The following HIVEP3 variants were observed in gnomAD, a reference collection of about 807,000 sequenced individuals.
HIVEP3 encodes HIVEP zinc finger 3, also known as transcription factor HIVEP3.
A neutral mutation model predicts 152.8 loss-of-function variants in HIVEP3; 49 were observed. The observed-to-expected ratio is 0.32, with a 90% CI of 0.26 to 0.41. The LOEUF (loss-of-function observed/expected upper bound fraction) is 0.41. Among genes scored for constraint, HIVEP3 ranks in the 10% least tolerant of loss-of-function variants. The probability of loss-of-function intolerance (pLI) is 1.00; values close to 1 mark genes in which losing one functional copy is unlikely to be tolerated. For missense variants in HIVEP3, 2,790 were observed against 3,103.3 expected (o/e 0.90, Z 2.40); for synonymous variants, 1,269 against 1,289.0 (o/e 0.98, Z 0.33).
chr1:41,555,844 C>T (rs1370872622), intron 5 of HIVEP3, among the ~76,000 whole-genome samples: 7 of 152,180 alleles, frequency 4.6e-5, no homozygotes, highest in African/African-American at 7.2e-5. Context: ...TCTATGGATA[C>T]GACTAGTCTA....
chr1:41,901,074 C>T (rs965103746), intron 1 of HIVEP3, among the ~76,000 whole-genome samples: 32 of 151,916 alleles, frequency 2.1e-4, no homozygotes, highest in African/African-American at 7.5e-4. Context: ...TTCATGCACT[C>T]GTCCTTAGGA....
At chr1:41,964,366 C>T (rs1273482624) in intron 1 of HIVEP3, among the ~76,000 whole-genome samples, 1 of 152,178 alleles carries the variant, frequency 6.6e-6, no homozygotes, top group African/African-American at 2.4e-5. Flanking sequence ...TGTGCTACCC[C>T]ACCTGGGAAA....
chr1:42,015,876 C>T (rs1180944255), intron 1 of HIVEP3, among the ~76,000 whole-genome samples: 2 of 152,260 alleles, frequency 1.3e-5, no homozygotes, highest in Non-Finnish European at 2.9e-5. Context: ...CCTTCAGCTG[C>T]CTACATGGCA....
intron 1 of HIVEP3, among the ~76,000 whole-genome samples, chr1:41,730,501 C>G (rs1646822847): frequency 6.6e-6 from 1 of 152,244 alleles, no homozygotes; most frequent in South Asian, 2.1e-4. Flanking sequence ...AGCACTCAGT[C>G]CTGGGGCAGA....
intron 6 of HIVEP3, among the ~76,000 whole-genome samples, chr1:41,523,238 C>G (rs1357625757): frequency 6.6e-6 from 1 of 152,178 alleles, no homozygotes; most frequent in Non-Finnish European, 1.5e-5. Context: ...ATGTCCAGGG[C>G]GACGCATGCT....
At position 41,835,897 on chromosome 1, in the gene HIVEP3, T is replaced by C. The variant is rs145515173; in HGVS notation, c.-801+82516A>G. Among the ~76,000 whole-genome samples, 766 of 152,256 alleles carry C rather than the reference T, an allele frequency of 5.0e-3. 4 individuals are homozygous for C. Among genetic ancestry groups the C allele is most frequent in the African/African-American group, 0.018 (730 of 41,532 alleles). On this transcript the variant is annotated intron_variant, in intron 1 of 8. Transcript: ENST00000372583. Reference sequence around the variant, plus strand: ...CACTATAGATAGAGTATTATGCAAATAAAAGATTATTTTTTATGTTCCTCA... The same window carrying C: ...CACTATAGATAGAGTATTATGCAAACAAAAGATTATTTTTTATGTTCCTCA...
chr1:42,015,455 T>C (rs116454585), intron 1 of HIVEP3, among the ~76,000 whole-genome samples: 4 of 152,212 alleles, frequency 2.6e-5, no homozygotes, highest in African/African-American at 9.6e-5. Flanking sequence ...GCATGGTCAC[T>C]GCCCTTCAGA....
intron 1 of HIVEP3, among the ~76,000 whole-genome samples, chr1:41,974,522 C>T (rs528939926): frequency 6.6e-6 from 1 of 151,250 alleles, no homozygotes; most frequent in Non-Finnish European, 1.5e-5. Context: ...CACACACACA[C>T]TGTATCCTCT....
chr1:41,973,999 G>A (rs1055940374), intron 1 of HIVEP3, among the ~76,000 whole-genome samples: 1 of 152,188 alleles, frequency 6.6e-6, no homozygotes, highest in African/African-American at 2.4e-5. Context: ...AAGGTGAGGG[G>A]ACAGAGAGAA....
In HIVEP3 at chr1:41,626,494, C is replaced by T. The variant is rs114518726; in HGVS notation, c.-522+2255G>A. On this transcript the variant is annotated intron_variant, in intron 3 of 8. Coordinates refer to ENST00000372583, the MANE Select transcript of HIVEP3 (RefSeq NM_024503.5). Reference sequence around the variant, plus strand: ...CACGGACAAACAAAGAGTCTGGGCACGAAGCGGGGGGAGGGGAGGGAAATG... The same window carrying T: ...CACGGACAAACAAAGAGTCTGGGCATGAAGCGGGGGGAGGGGAGGGAAATG... Among the ~76,000 whole-genome samples the T allele has an allele frequency of 4.7e-3, 715 of 152,204 alleles. 3 individuals carry two copies. Among genetic ancestry groups the T allele is most frequent in the African/African-American group, 0.016 (659 of 41,530 alleles).
intron 2 of HIVEP3, among the ~76,000 whole-genome samples, chr1:41,684,702 T>C (rs374519050): frequency 6.6e-6 from 1 of 152,232 alleles, no homozygotes; most frequent in Admixed American, 6.5e-5. Flanking sequence ...ACTTTGTAGG[T>C]TGCTTGCAGG....
chr1:41,796,218 T>C (rs10493098), intron 1 of HIVEP3, among the ~76,000 whole-genome samples: 55,164 of 152,134 alleles, frequency 0.36, 10,430 homozygotes, highest in Middle Eastern at 0.46. Context: ...CACCTCTGAA[T>C]ACTGTCTGGA....
chr1:41,771,475 T>A (rs779609998), intron 1 of HIVEP3, among the ~76,000 whole-genome samples: 1 of 152,148 alleles, frequency 6.6e-6, no homozygotes, highest in Non-Finnish European at 1.5e-5. Context: ...GCCCCTGCAA[T>A]GGGAAAGCAG....
At chr1:41,522,646 C>CAG in intron 6 of HIVEP3, among the ~76,000 whole-genome samples, 1 of 152,350 alleles carries the variant, frequency 6.6e-6, no homozygotes, top group East Asian at 1.9e-4. Context: ...TGTGCTGGCT[C>CAG]AGAGAGACCC....
intron 1 of HIVEP3, among the ~76,000 whole-genome samples, chr1:41,707,574 G>T (rs1340241826): frequency 2.6e-5 from 4 of 152,196 alleles, no homozygotes; most frequent in African/African-American, 9.7e-5. Flanking sequence ...GTGAACCAAG[G>T]TTTTTGATCC....
At chr1:41,697,976 GT>G (rs1193290263) in intron 2 of HIVEP3, among the ~76,000 whole-genome samples, 1 of 152,186 alleles carries the variant, frequency 6.6e-6, no homozygotes, top group Admixed American at 6.5e-5. Flanking sequence ...AGCCCTGTGT[GT>G]TTGGGCCAGT....
chr1:41,828,779 C>T (rs544825105), intron 1 of HIVEP3, among the ~76,000 whole-genome samples: 13 of 152,358 alleles, frequency 8.5e-5, no homozygotes, highest in African/African-American at 3.1e-4. Flanking sequence ...GTCCAGCCCC[C>T]TGCACCCTGG....
At chr1:41,926,889 A>T (rs1036758120) in intron 1 of HIVEP3, among the ~76,000 whole-genome samples, 1 of 152,170 alleles carries the variant, frequency 6.6e-6, no homozygotes, top group Admixed American at 6.5e-5. Context: ...TGGCATATGT[A>T]TATCTTTAAG....
At chr1:41,767,182 C>G (rs942482714) in intron 1 of HIVEP3, among the ~76,000 whole-genome samples, 1 of 152,188 alleles carries the variant, frequency 6.6e-6, no homozygotes, top group Non-Finnish European at 1.5e-5. Context: ...CACCCTGATT[C>G]CATCTCCTAT....
Sources: gnomAD v4.1 joint callset for allele counts (sites outside exome capture counted in the v4.1 genomes callset) on GRCh38, gnomAD v4.1.1 for gene constraint, MANE v1.5 for transcripts, NCBI Gene and HGNC (gene_info 2026-07-23, HGNC 2026-07-21) for gene names.